Variants in NRG4 observed in about 807,000 individuals in gnomAD.
NRG4 encodes pro-neuregulin-4, membrane-bound isoform.
In NRG4, 10 loss-of-function variants were observed where a neutral mutation model predicts 15.0. The observed-to-expected ratio is 0.67, with a 90% confidence interval of 0.41 to 1.13. The LOEUF (loss-of-function observed/expected upper bound fraction) is 1.13, where lower values mean the gene tolerates loss of function less well. Ranked by LOEUF, NRG4 falls within the 50% of genes most tolerant of loss-of-function variation. The probability of loss-of-function intolerance (pLI) is 0.00; values close to 1 mark genes in which losing one functional copy is unlikely to be tolerated. For synonymous variants in NRG4, 41 were observed against 50.1 expected (o/e 0.82, Z 0.77); for missense variants, 139 against 140.2 (o/e 0.99, Z 0.04).
chr15:76,044,931 A>G lies in NRG4; in HGVS notation c.-105+7136T>C, dbSNP rs2035835426. Reference sequence around the variant, plus strand: ...GACAAATGGGATCCTATCAAGTTAAAAGGTTTCTACACAGCAAAGGAAACA... The same window carrying G: ...GACAAATGGGATCCTATCAAGTTAAGAGGTTTCTACACAGCAAAGGAAACA... On this transcript the variant is annotated intron_variant, in intron 4 of 8. Coordinates refer to the NRG4 transcript ENST00000563910. Among the ~76,000 whole-genome samples the G allele has an allele frequency of 1.3e-5, 2 of 150,704 alleles. 1 individual carries two copies. The highest frequency in any genetic ancestry group is 5.0e-5 in the African/African-American group (2 of 40,320).
At chr15:75,987,662 T>C (rs2033847093) in intron 3 of NRG4, among the ~76,000 whole-genome samples, 1 of 152,194 alleles carries the variant, frequency 6.6e-6, no homozygotes, top group Admixed American at 6.5e-5. Flanking sequence ...GACCTTGGAC[T>C]TCCCATCCTC....
chr15:75,971,213 A>T (rs1044417638), intron 3 of NRG4: 1 of 455,508 alleles, frequency 2.2e-6, no homozygotes, highest in Non-Finnish European at 4.4e-6. Context: ...CAGTTGTGAC[A>T]TCTATTGGTT....
In NRG4 at chr15:75,942,589, GATGA is replaced by G. The variant is rs1016261224; in HGVS notation, c.*1045_*1048del. On this transcript the variant is annotated 3_prime_UTR_variant, in exon 6 of 6. Coordinates refer to ENST00000394907, the MANE Select transcript of NRG4 (RefSeq NM_138573.4). ...TTTGTGAAATGAGTGAATGATGGGT[GATGA>G]ATGAATTGGTGACACTAGTGACCCA... 2.0e-5 allele frequency: 3 copies of G among 152,176 alleles called. No homozygotes were observed. Among genetic ancestry groups the G allele is most frequent in the Non-Finnish European group, 2.9e-5 (2 of 68,046 alleles). 9.4% of individuals were successfully genotyped at this position (152,176 alleles called of 1,614,324 possible). A position where few individuals can be genotyped will look rare whatever the true frequency, so the allele number is the denominator to read the frequency against.
intron 5 of NRG4, among the ~76,000 whole-genome samples, chr15:76,023,971 C>A (rs537081541): frequency 2.0e-5 from 3 of 152,308 alleles, no homozygotes; most frequent in South Asian, 2.1e-4. Flanking sequence ...GGCTGTCCCC[C>A]AAACAGGTAG....
chr15:75,965,021 C>T (rs1046802574), intron 3 of NRG4, among the ~76,000 whole-genome samples: 1 of 152,056 alleles, frequency 6.6e-6, no homozygotes, highest in African/African-American at 2.4e-5. Context: ...GTCAGGAGAT[C>T]GAGACCATCC....
At chr15:75,959,319 C>T (rs1382061199) in intron 4 of NRG4, among the ~76,000 whole-genome samples, 4 of 152,008 alleles carry the variant, frequency 2.6e-5, no homozygotes, top group African/African-American at 9.7e-5. Context: ...CTCAACAATT[C>T]CCAGTGGAAT....
chr15:75,944,103 T>C (rs1379266970), intron 5 of NRG4, among the ~76,000 whole-genome samples: 1 of 152,170 alleles, frequency 6.6e-6, no homozygotes, highest in Non-Finnish European at 1.5e-5. Context: ...AACCTGTGGC[T>C]AATTGGGACT....
chr15:76,054,080 A>T (rs2036091138), intron 2 of NRG4, among the ~76,000 whole-genome samples: 3 of 150,574 alleles, frequency 2.0e-5, no homozygotes, highest in Admixed American at 2.0e-4. Flanking sequence ...AGAACATCTG[A>T]CATCCAGAGG....
intron 5 of NRG4, among the ~76,000 whole-genome samples, chr15:76,022,425 TACACACAC>T (rs67005026): frequency 0.019 from 2,776 of 149,552 alleles, 97 homozygotes; most frequent in African/African-American, 0.063. Context: ...TCAATATTTT[TACACACAC>T]ACACACACAC....
upstream of NRG4, among the ~76,000 whole-genome samples, chr15:76,012,781 GTTACC>G (rs936427460): frequency 2.0e-5 from 3 of 151,678 alleles, no homozygotes; most frequent in African/African-American, 4.9e-5. Context: ...TGAGGTTTGT[GTTACC>G]TTACAAGCCA....
chr15:75,993,807 ATT>A (rs1377104471), intron 3 of NRG4, among the ~76,000 whole-genome samples: 1 of 151,998 alleles, frequency 6.6e-6, no homozygotes, highest in Non-Finnish European at 1.5e-5. Flanking sequence ...GAAATTTTTT[ATT>A]TCAGATGTTA....
intron 5 of NRG4, chr15:75,951,194 G>A (rs1255868925): frequency 1.8e-4 from 24 of 131,808 alleles, no homozygotes; most frequent in African/African-American, 7.1e-4. Context: ...TTGAGACGGA[G>A]TCTCACTCTG....
At chr15:75,983,609 G>A (rs552312317) in intron 3 of NRG4, among the ~76,000 whole-genome samples, 1 of 151,828 alleles carries the variant, frequency 6.6e-6, no homozygotes, top group East Asian at 1.9e-4. Flanking sequence ...AAACCCAAAG[G>A]AATAAAATAA....
chr15:75,986,182 G>A (rs1595988773), intron 3 of NRG4, among the ~76,000 whole-genome samples: 1 of 152,052 alleles, frequency 6.6e-6, no homozygotes, highest in East Asian at 1.9e-4. Flanking sequence ...TATCTGATTG[G>A]TAAAAACCCA....
chr15:76,013,032 T>G (rs1289513024), upstream of NRG4, among the ~76,000 whole-genome samples: 1 of 152,214 alleles, frequency 6.6e-6, no homozygotes, highest in Non-Finnish European at 1.5e-5. Flanking sequence ...AACTGTAATT[T>G]TGTTTAAATG....
chr15:76,013,658 C>A (rs920537941), upstream of NRG4, among the ~76,000 whole-genome samples: 1 of 152,144 alleles, frequency 6.6e-6, no homozygotes, highest in African/African-American at 2.4e-5. Flanking sequence ...CATGGCCCTG[C>A]AAAGGACATG....
rs530905867 is a variant in NRG4 at position 76,046,036 on chromosome 15, T to C, written c.-105+6031A>G. On this transcript the variant is annotated intron_variant, in intron 4 of 8. Transcript: ENST00000563910. ...CATGCATGTATCAAAATATCTCATG[T>C]AACCCATAAATGTATATACCTACTA... Among the ~76,000 whole-genome samples the C allele has an allele frequency of 2.8e-4, 43 of 151,284 alleles. No individual in the cohort carries two copies. The South Asian group carries it at 8.5e-3, about 30-fold the overall frequency.
At position 76,009,306 on chromosome 15, in the gene NRG4, C is replaced by T. The variant is rs780627511; in HGVS notation, c.11-13G>A. On this transcript the variant is annotated splice_polypyrimidine_tract_variant and intron_variant, in intron 2 of 5. Transcript: ENST00000394907. ...GGCTCTTCGTGATCTAGAACACATA[C>T]ATATATAAAATAGAGAAAAGCAAAT... 1.4e-6 allele frequency: 2 copies of T among 1,395,766 alleles called. No homozygotes were observed. The highest frequency in any genetic ancestry group is 1.3e-5 in the South Asian group (1 of 77,452). 86.5% of individuals were successfully genotyped at this position (1,395,766 alleles called of 1,614,324 possible).
At chr15:75,945,263 ATTTT>A (rs2031420522) in intron 5 of NRG4, among the ~76,000 whole-genome samples, 1 of 20,546 alleles carries the variant, frequency 4.9e-5, no homozygotes, top group Non-Finnish European at 1.4e-4. Context: ...TTTATCATTT[ATTTT>A]TATTTTATTT....
Sources: allele counts gnomAD v4.1 joint callset (sites outside exome capture counted in the v4.1 genomes callset), GRCh38; gene constraint gnomAD v4.1.1; transcripts MANE v1.5; gene names NCBI Gene and HGNC (gene_info 2026-07-23, HGNC 2026-07-21).